The following FGGY variants were observed in gnomAD, a reference collection of about 807,000 sequenced individuals.
The protein encoded by FGGY is FGGY carbohydrate kinase domain containing, also known as FGGY carbohydrate kinase domain-containing protein.
A neutral mutation model predicts 71.3 loss-of-function variants in FGGY; 72 were observed. That is an observed-to-expected ratio of 1.01 (90% CI 0.84 to 1.23). FGGY has a LOEUF of 1.23. Ranked by LOEUF, FGGY falls within the 50% of genes most tolerant of loss-of-function variation. The pLI, the probability that FGGY is intolerant of heterozygous loss-of-function variation, is 0.00. For synonymous variants in FGGY, 251 were observed against 250.3 expected (o/e 1.00, Z -0.02); for missense variants, 668 against 682.3 (o/e 0.98, Z 0.23).
chr1:59,401,895 G>A (rs1419625064), intron 5 of FGGY, among the ~76,000 whole-genome samples: 1 of 152,214 alleles, frequency 6.6e-6, no homozygotes, highest in Non-Finnish European at 1.5e-5. Flanking sequence ...AGGAATGGGG[G>A]AGAGTGGGGC....
At chr1:59,502,256 G>A (rs1055614368) in intron 6 of FGGY, among the ~76,000 whole-genome samples, 1 of 152,148 alleles carries the variant, frequency 6.6e-6, no homozygotes, top group Non-Finnish European at 1.5e-5. Flanking sequence ...AAAGAGCTCT[G>A]CCCTCAAGGC....
chr1:59,428,783 C>T (rs2066829590), intron 5 of FGGY, among the ~76,000 whole-genome samples: 1 of 152,178 alleles, frequency 6.6e-6, no homozygotes, highest in East Asian at 1.9e-4. Context: ...TGCCCACCTC[C>T]GAAGTCTATG....
At chr1:59,338,188 A>C (rs2049983504) in intron 2 of FGGY, among the ~76,000 whole-genome samples, 1 of 152,166 alleles carries the variant, frequency 6.6e-6, no homozygotes, top group Non-Finnish European at 1.5e-5. Flanking sequence ...GGATGACTCC[A>C]CATAGTCATG....
At position 59,358,292 on chromosome 1, in the gene FGGY, A is replaced by G. The variant is rs144349450; in HGVS notation, c.465+11894A>G. Among the ~76,000 whole-genome samples the G allele has an allele frequency of 5.1e-3, 773 of 152,274 alleles. 5 individuals carry two copies. The highest frequency in any genetic ancestry group is 0.018 in the African/African-American group (733 of 41,544). On this transcript the variant is annotated intron_variant, in intron 4 of 15. Coordinates refer to ENST00000303721, the MANE Select transcript of FGGY (RefSeq NM_018291.5). ...TTTACTTTCTTTTTTCCTATTATCC[A>G]AAGTGACCATAATTGTTCTGTTATT...
chr1:59,653,108 G>C (rs1443165598), intron 11 of FGGY, among the ~76,000 whole-genome samples: 2 of 152,214 alleles, frequency 1.3e-5, no homozygotes, highest in East Asian at 3.8e-4. Flanking sequence ...CAGTCTGCGG[G>C]TTCTCAGATC....
chr1:59,334,779 A>T (rs112569774), intron 2 of FGGY, among the ~76,000 whole-genome samples: 3 of 152,226 alleles, frequency 2.0e-5, no homozygotes, highest in African/African-American at 7.2e-5. Context: ...TATGGGATTT[A>T]AAAGGTTGTA....
At chr1:59,574,290 C>A (rs2096041272) in intron 8 of FGGY, among the ~76,000 whole-genome samples, 1 of 152,144 alleles carries the variant, frequency 6.6e-6, no homozygotes, top group Non-Finnish European at 1.5e-5. Context: ...TCCAGCCTTG[C>A]CTTCTGTGGT....
At chr1:59,587,384 A>C (rs2096321875) in intron 8 of FGGY, among the ~76,000 whole-genome samples, 2 of 152,134 alleles carry the variant, frequency 1.3e-5, no homozygotes, top group African/African-American at 4.8e-5. Flanking sequence ...ACAAACAAAA[A>C]GACAGCAGTA....
intron 1 of FGGY, among the ~76,000 whole-genome samples, chr1:59,313,073 T>C (rs2044671842): frequency 6.6e-6 from 1 of 152,190 alleles, no homozygotes; most frequent in African/African-American, 2.4e-5. Context: ...TGGTCAGAAC[T>C]GTTGGAACAG....
intron 1 of FGGY, among the ~76,000 whole-genome samples, chr1:59,307,611 C>T (rs961371858): frequency 6.6e-6 from 1 of 152,210 alleles, no homozygotes; most frequent in African/African-American, 2.4e-5. Flanking sequence ...ACTGGCACCA[C>T]ATCTTGCACA....
At chr1:59,430,750 G>A (rs1413545160) in intron 5 of FGGY, among the ~76,000 whole-genome samples, 2 of 152,082 alleles carry the variant, frequency 1.3e-5, no homozygotes, top group East Asian at 1.9e-4. Flanking sequence ...TGTCGTCAGA[G>A]TACAACAAAA....
chr1:59,719,280 A>G (rs879337813), intron 14 of FGGY, among the ~76,000 whole-genome samples: 1 of 152,186 alleles, frequency 6.6e-6, no homozygotes, highest in Non-Finnish European at 1.5e-5. Flanking sequence ...AGTGTTTTAA[A>G]TACTGCACAG....
intron 14 of FGGY, among the ~76,000 whole-genome samples, chr1:59,732,123 G>C (rs184832230): frequency 6.6e-6 from 1 of 152,122 alleles, no homozygotes; most frequent in Non-Finnish European, 1.5e-5. Context: ...TCCAGTTCCT[G>C]GCACAGAGTG....
At chr1:59,460,224 CA>C (rs2092064672) in intron 6 of FGGY, among the ~76,000 whole-genome samples, 2 of 152,144 alleles carry the variant, frequency 1.3e-5, no homozygotes. Context: ...ACAGTCTTAG[CA>C]AACGGCACAC....
intron 7 of FGGY, among the ~76,000 whole-genome samples, chr1:59,534,140 G>A (rs1398031224): frequency 6.6e-6 from 1 of 152,174 alleles, no homozygotes; most frequent in African/African-American, 2.4e-5. Flanking sequence ...GCTTAAAGGA[G>A]CTGATGGAGC....
intron 6 of FGGY, among the ~76,000 whole-genome samples, chr1:59,475,409 GTTAA>G (rs1455454543): frequency 2.6e-5 from 4 of 152,200 alleles, no homozygotes; most frequent in African/African-American, 9.7e-5. Context: ...CAATTAACTA[GTTAA>G]TTAATAATGG....
rs1179214090 is a variant in FGGY, at chr1:59,667,333, C to T, written c.1347C>T (p.Ile449=). 1 of 1,614,162 alleles carries T rather than the reference C, an allele frequency of 6.2e-7. No homozygotes were observed. The highest frequency in any genetic ancestry group is 8.5e-7 in the Non-Finnish European group (1 of 1,180,004). ...CCATGGAGGCAGCAGGGCACTCAAT[C>T]AGTACTCTTTTCCTATGTGGAGGCC... The part of the protein sequence containing the change: ...IEAMEAAGHS[I]STLFLCGGLS... Residue 449 remains isoleucine (I), a synonymous_variant, in exon 13 of 16, where the codon ATC becomes ATT. Transcript: ENST00000303721.
intron 1 of FGGY, among the ~76,000 whole-genome samples, chr1:59,303,579 C>T (rs986377942): frequency 8.5e-5 from 13 of 152,236 alleles, no homozygotes; most frequent in African/African-American, 2.6e-4. Flanking sequence ...ACAGCTATTA[C>T]ACCAAGTAGT....
chr1:59,469,933 CT>C (rs1310335267), intron 6 of FGGY, among the ~76,000 whole-genome samples: 3 of 152,110 alleles, frequency 2.0e-5, no homozygotes, highest in African/African-American at 7.2e-5. Flanking sequence ...TGATCTTGTT[CT>C]TTTTTTATGG....
Sources: gnomAD v4.1 joint callset for allele counts (sites outside exome capture counted in the v4.1 genomes callset) on GRCh38, gnomAD v4.1.1 for gene constraint, MANE v1.5 for transcripts, NCBI Gene and HGNC (gene_info 2026-07-23, HGNC 2026-07-21) for gene names.